The following ROBO1 variants were observed in gnomAD, a reference collection of about 807,000 sequenced individuals.
ROBO1 encodes roundabout homolog 1.
A neutral mutation model predicts 195.9 loss-of-function variants in ROBO1; 149 were observed. That is an observed-to-expected ratio of 0.76 (90% CI 0.67 to 0.87). ROBO1 has a LOEUF of 0.87. ROBO1 is among the 40% of genes least tolerant of loss of function. The probability of loss-of-function intolerance (pLI) is 0.00; values close to 1 mark genes in which losing one functional copy is unlikely to be tolerated. For missense variants in ROBO1, 1,933 were observed against 2,068.3 expected, an observed-to-expected ratio of 0.93 and a Z score of 1.27; for synonymous variants, 816 against 733.2, an observed-to-expected ratio of 1.11 and a Z score of -1.82.
chr3:79,081,321 CTT>C (rs746586023), intron 3 of ROBO1, among the ~76,000 whole-genome samples: 5 of 151,994 alleles, frequency 3.3e-5, no homozygotes, highest in Non-Finnish European at 5.9e-5. Flanking sequence ...GGCATCATGA[CTT>C]TAAAAAAAAT....
At chr3:79,644,682 A>G (rs1438015433) in intron 1 of ROBO1, among the ~76,000 whole-genome samples, 1 of 152,188 alleles carries the variant, frequency 6.6e-6, no homozygotes, top group East Asian at 1.9e-4. Flanking sequence ...TGGTGGGGAC[A>G]CAGCCAAATC....
intron 1 of ROBO1, among the ~76,000 whole-genome samples, chr3:79,641,041 G>C (rs1945643827): frequency 6.6e-6 from 1 of 151,958 alleles, no homozygotes; most frequent in African/African-American, 2.4e-5. Context: ...TTGGTGGATT[G>C]GATATAGGGA....
chr3:79,315,550 A>T (rs901456830), intron 2 of ROBO1, among the ~76,000 whole-genome samples: 4 of 152,192 alleles, frequency 2.6e-5, no homozygotes, highest in Non-Finnish European at 5.9e-5. Context: ...AGAGCAATAA[A>T]AGTGGGAATG....
chr3:79,349,427 G>A (rs2035256254), intron 2 of ROBO1, among the ~76,000 whole-genome samples: 1 of 152,080 alleles, frequency 6.6e-6, no homozygotes, highest in Non-Finnish European at 1.5e-5. Flanking sequence ...CAGAATATGA[G>A]CTGACTTCTT....
In ROBO1 at chr3:78,942,650, A is replaced by G. The variant is rs1327350576; in HGVS notation, c.173-3723T>C. ...GCCAAACGGTACTGACAAGCTGTCA[A>G]TTGTATATCCTTAAGTTTGACCTCA... On this transcript the variant is annotated intron_variant, in intron 3 of 30. Transcript: ENST00000464233. 5.3e-5 allele frequency among the ~76,000 whole-genome samples: 8 copies of G among 152,316 alleles called. No homozygotes were observed. In the East Asian group the frequency reaches 1.4e-3, roughly 26 times the overall value.
intron 2 of ROBO1, among the ~76,000 whole-genome samples, chr3:79,505,456 A>G (rs1940340156): frequency 6.6e-6 from 1 of 152,224 alleles, no homozygotes; most frequent in African/African-American, 2.4e-5. Context: ...AGAGTTCAGG[A>G]AAGCAAGGTA....
intron 2 of ROBO1, among the ~76,000 whole-genome samples, chr3:79,532,799 G>A (rs985192679): frequency 6.6e-6 from 1 of 152,154 alleles, no homozygotes; most frequent in African/African-American, 2.4e-5. Flanking sequence ...ATTCAGACAA[G>A]AGCTGGCTTC....
intron 2 of ROBO1, among the ~76,000 whole-genome samples, chr3:79,435,558 G>T (rs1032171750): frequency 6.6e-6 from 1 of 151,966 alleles, no homozygotes; most frequent in African/African-American, 2.4e-5. Flanking sequence ...AGCATTTTAG[G>T]CTGAGTCTAT....
At position 79,453,118 on chromosome 3, in the gene ROBO1, G is replaced by A. The variant is rs540798845; in HGVS notation, c.88+136706C>T. ...TTAAGTAGCCAAATCTAGAGTCCAC[G>A]GGCTCTACATCTGTGCCCATCTCCC... is the stretch of plus-strand genomic sequence containing the variant. On this transcript the variant is annotated intron_variant, in intron 2 of 30. Coordinates refer to ENST00000464233, the MANE Select transcript of ROBO1 (RefSeq NM_002941.4). 7.3e-4 allele frequency among the ~76,000 whole-genome samples: 111 copies of A among 151,822 alleles called. 2 individuals are homozygous for A. In the South Asian group the frequency reaches 0.017, roughly 24 times the overall value.
chr3:79,474,624 T>G (rs1284024610), intron 2 of ROBO1, among the ~76,000 whole-genome samples: 5 of 152,102 alleles, frequency 3.3e-5, no homozygotes, highest in Admixed American at 3.3e-4. Flanking sequence ...TTAAAAAACA[T>G]TTTGTTTATT....
At chr3:78,679,105 A>G (rs554093783) in intron 10 of ROBO1, among the ~76,000 whole-genome samples, 1,773 of 152,166 alleles carry the variant, frequency 0.012, 14 homozygotes, top group Non-Finnish European at 0.017. Context: ...TGCAGAAAAG[A>G]CCTTTGACAA....
chr3:79,616,572 C>T (rs1333332699), intron 1 of ROBO1, among the ~76,000 whole-genome samples: 1 of 151,928 alleles, frequency 6.6e-6, no homozygotes, highest in East Asian at 2.0e-4. Context: ...TTTTTGTGAC[C>T]AGAAGGTGAC....
chr3:79,420,968 T>G (rs2106934700), intron 2 of ROBO1, among the ~76,000 whole-genome samples: 1 of 152,136 alleles, frequency 6.6e-6, no homozygotes, highest in South Asian at 2.1e-4. Flanking sequence ...AGAAATGAAA[T>G]CAACCTAAAC....
chr3:79,105,932 A>G (rs1443591158), intron 3 of ROBO1, among the ~76,000 whole-genome samples: 1 of 151,694 alleles, frequency 6.6e-6, no homozygotes, highest in Non-Finnish European at 1.5e-5. Flanking sequence ...GGAGGTCCCC[A>G]AAGATCTTGG....
chr3:79,012,590 T>C (rs1469865234), intron 3 of ROBO1, among the ~76,000 whole-genome samples: 1 of 152,194 alleles, frequency 6.6e-6, no homozygotes, highest in Non-Finnish European at 1.5e-5. Context: ...CAGAAAGATA[T>C]GCACAGTCAT....
At chr3:78,682,535 GTATA>G (rs1235598576) in intron 10 of ROBO1, among the ~76,000 whole-genome samples, 1 of 146,842 alleles carries the variant, frequency 6.8e-6, no homozygotes, top group East Asian at 2.0e-4. Flanking sequence ...GTGTATATAT[GTATA>G]TATAGTATAT....
At chr3:79,522,257 T>A (rs1403107094) in intron 2 of ROBO1, among the ~76,000 whole-genome samples, 1 of 152,188 alleles carries the variant, frequency 6.6e-6, no homozygotes, top group African/African-American at 2.4e-5. Context: ...TCTGTTGTTT[T>A]TCTGCAATAG....
At chr3:79,638,153 T>A (rs1283273150) in intron 1 of ROBO1, among the ~76,000 whole-genome samples, 2 of 152,318 alleles carry the variant, frequency 1.3e-5, no homozygotes, top group East Asian at 1.9e-4. Context: ...AAAGTTGGCA[T>A]AGGGCATATA....
At chr3:79,413,258 C>T (rs1320626719) in intron 2 of ROBO1, among the ~76,000 whole-genome samples, 2 of 152,004 alleles carry the variant, frequency 1.3e-5, no homozygotes, top group Non-Finnish European at 2.9e-5. Flanking sequence ...GCTCCCTGTT[C>T]TGCAGCAGAG....
Sources: allele counts gnomAD v4.1 joint callset (sites outside exome capture counted in the v4.1 genomes callset), GRCh38; gene constraint gnomAD v4.1.1; transcripts MANE v1.5; gene names NCBI Gene and HGNC (gene_info 2026-07-23, HGNC 2026-07-21).